The following ZNF536 variants were observed in gnomAD, a reference collection of about 807,000 sequenced individuals.
The protein encoded by ZNF536 is zinc finger protein 536.
In ZNF536, 13 loss-of-function variants were observed where a neutral mutation model predicts 84.5. The observed-to-expected ratio is 0.15, with a 90% CI of 0.10 to 0.24. The LOEUF is 0.24. Ranked by LOEUF, ZNF536 falls within the 10% of genes least tolerant of loss-of-function variation. The probability of loss-of-function intolerance (pLI) is 1.00; values close to 1 mark genes in which losing one functional copy is unlikely to be tolerated. For synonymous variants in ZNF536, 811 were observed against 742.5 expected (o/e 1.09, Z -1.50); for missense variants, 1,536 against 1,747.5 (o/e 0.88, Z 2.16).
intron 1 of ZNF536, among the ~76,000 whole-genome samples, chr19:30,567,361 G>A (rs956548510): frequency 2.0e-5 from 3 of 152,176 alleles, no homozygotes; most frequent in African/African-American, 7.2e-5. Context: ...CTTTGAACCT[G>A]CCACGTGACC....
intron 1 of ZNF536, among the ~76,000 whole-genome samples, chr19:30,650,910 A>T (rs1442977923): frequency 6.6e-6 from 1 of 152,260 alleles, no homozygotes; most frequent in Non-Finnish European, 1.5e-5. Flanking sequence ...GAATGGAAGC[A>T]TATAAATAGC....
intron 1 of ZNF536, among the ~76,000 whole-genome samples, chr19:30,272,567 CTCCACTCCCTCT>C (rs1397332513): frequency 1.3e-5 from 2 of 152,194 alleles, no homozygotes; most frequent in Non-Finnish European, 2.9e-5. Flanking sequence ...ATCCCCTGAG[CTCCACTCCCTCT>C]TCCCCTGAAC....
chr19:30,403,525 A>G (rs957656386), intron 1 of ZNF536, among the ~76,000 whole-genome samples: 2 of 152,228 alleles, frequency 1.3e-5, no homozygotes, highest in African/African-American at 2.4e-5. Flanking sequence ...TTTGAAGTCT[A>G]CAGGGGCTTC....
At chr19:30,479,946 G>A (rs1056315614) in intron 2 of ZNF536, among the ~76,000 whole-genome samples, 2 of 152,194 alleles carry the variant, frequency 1.3e-5, no homozygotes, top group African/African-American at 4.8e-5. Flanking sequence ...AGCCTTCAGG[G>A]CTGGTTCCAA....
intron 1 of ZNF536, among the ~76,000 whole-genome samples, chr19:30,654,706 GT>G (rs2049838844): frequency 6.6e-6 from 1 of 151,650 alleles, no homozygotes; most frequent in Admixed American, 6.6e-5. Context: ...ACTGAGGCTT[GT>G]TTTTTTTCTC....
At position 30,237,522 on chromosome 19, in the gene ZNF536, GC is replaced by G. The variant is rs2023622121; in HGVS notation, c.-190+8850del. 2.6e-5 allele frequency among the ~76,000 whole-genome samples: 4 copies of G among 152,282 alleles called. No homozygotes were observed. The South Asian group carries it at 8.3e-4, about 32-fold the overall frequency. ...TCACTGATCTTCATCTCAAAGGTAG[GC>G]GAGTGGAATTCTTGCTGGACTGTGG... On this transcript the variant is annotated intron_variant, in intron 1 of 5. Transcript: ENST00000585628.
At chr19:30,701,893 T>C (rs1034344529) in intron 1 of ZNF536, among the ~76,000 whole-genome samples, 5 of 152,250 alleles carry the variant, frequency 3.3e-5, no homozygotes, top group South Asian at 2.1e-4. Context: ...CCACTCATGC[T>C]GATGCACTTT....
chr19:30,597,221 G>T (rs537556192), intron 1 of ZNF536, among the ~76,000 whole-genome samples: 3 of 152,234 alleles, frequency 2.0e-5, no homozygotes, highest in Non-Finnish European at 4.4e-5. Flanking sequence ...CCCTGACTGA[G>T]TCGCTGCTAT....
At chr19:30,441,513 T>C (rs1346860298) in intron 1 of ZNF536, among the ~76,000 whole-genome samples, 1 of 152,186 alleles carries the variant, frequency 6.6e-6, no homozygotes, top group Admixed American at 6.5e-5. Context: ...TCCACCATCA[T>C]GTCTCCAGTG....
intron 1 of ZNF536, among the ~76,000 whole-genome samples, chr19:30,264,840 G>A (rs779707931): frequency 1.4e-4 from 22 of 151,934 alleles, no homozygotes; most frequent in Non-Finnish European, 2.1e-4. Flanking sequence ...GGCTTAGTTA[G>A]GGGATCCGCT....
At chr19:30,493,403 T>C (rs1599574737) in intron 2 of ZNF536, among the ~76,000 whole-genome samples, 1 of 152,322 alleles carries the variant, frequency 6.6e-6, no homozygotes, top group Middle Eastern at 3.4e-3. Context: ...CTTCAGACTT[T>C]TTTTCTAATG....
intron 1 of ZNF536, among the ~76,000 whole-genome samples, chr19:30,605,724 A>C (rs555067342): frequency 2.0e-5 from 3 of 152,198 alleles, no homozygotes; most frequent in Non-Finnish European, 4.4e-5. Flanking sequence ...TCCTGGATCG[A>C]ATGGTGGATC....
rs569922110 is a variant in ZNF536 at position 30,334,869 on chromosome 19, C to G, written c.-119-17499C>G. On this transcript the variant is annotated intron_variant, in intron 2 of 5. Transcript: ENST00000585628. ...GCATTAGATTCTCATAAGGAGCACACAACCTAGATCCCTTGCATGCGCAGT... is the reference window on the plus strand; with the variant it reads ...GCATTAGATTCTCATAAGGAGCACAGAACCTAGATCCCTTGCATGCGCAGT... 2.0e-5 allele frequency among the ~76,000 whole-genome samples: 3 copies of G among 152,218 alleles called. No homozygotes were observed. The South Asian group carries it at 6.2e-4, about 31-fold the overall frequency.
At chr19:30,306,190 A>AT (rs201822113) in intron 2 of ZNF536, among the ~76,000 whole-genome samples, 1,358 of 132,874 alleles carry the variant, frequency 0.01, 12 homozygotes, top group Middle Eastern at 0.024. Context: ...CCTGGAGAGA[A>AT]TTTTTTTTTT....
chr19:30,582,377 T>C (rs149036214), intron 1 of ZNF536, among the ~76,000 whole-genome samples: 2 of 115,848 alleles, frequency 1.7e-5, no homozygotes, highest in Admixed American at 1.7e-4. Context: ...TAGTTTCTCT[T>C]TTTTTTTTTT....
intron 1 of ZNF536, among the ~76,000 whole-genome samples, chr19:30,666,859 T>C (rs533925890): frequency 2.6e-5 from 4 of 152,014 alleles, no homozygotes; most frequent in South Asian, 2.1e-4. Context: ...TGTATGTATG[T>C]ATGTATGCAT....
At chr19:30,558,832 G>C (rs926900468), downstream of ZNF536, among the ~76,000 whole-genome samples, 1 of 152,026 alleles carries the variant, frequency 6.6e-6, no homozygotes, top group African/African-American at 2.4e-5. Flanking sequence ...GGTCCTTTTG[G>C]GGGACTGGGG....
At chr19:30,650,276 G>C (rs1315499828) in intron 1 of ZNF536, among the ~76,000 whole-genome samples, 2 of 152,188 alleles carry the variant, frequency 1.3e-5, no homozygotes, top group African/African-American at 2.4e-5. Context: ...GGTGGTGAGA[G>C]CCCTGACCCC....
At chr19:30,262,678 T>C (rs915865272) in intron 1 of ZNF536, among the ~76,000 whole-genome samples, 3 of 152,138 alleles carry the variant, frequency 2.0e-5, no homozygotes, top group African/African-American at 7.2e-5. Flanking sequence ...CAGAGGGACC[T>C]GGGTGGCTGG....
Sources: gnomAD v4.1 joint callset for allele counts (sites outside exome capture counted in the v4.1 genomes callset) on GRCh38, gnomAD v4.1.1 for gene constraint, MANE v1.5 for transcripts, NCBI Gene and HGNC (gene_info 2026-07-23, HGNC 2026-07-21) for gene names.